The following ZNF503 variants were observed in gnomAD, a reference collection of about 807,000 sequenced individuals.
The protein encoded by ZNF503 is zinc finger protein 503.
In ZNF503, 15 loss-of-function variants were observed where a neutral mutation model predicts 34.4. The ratio of observed to expected loss-of-function variants is 0.44; its 90% CI spans 0.29 to 0.67. ZNF503 has a LOEUF of 0.67. Among genes scored for constraint, ZNF503 ranks in the 30% least tolerant of loss-of-function variants. ZNF503 has a pLI of 0.13. For missense variants in ZNF503, 1,007 were observed against 926.8 expected, an observed-to-expected ratio of 1.09 and a Z score of -1.12; for synonymous variants, 580 against 456.8, an observed-to-expected ratio of 1.27 and a Z score of -3.44.
chr10:75,347,012 A>G, the ZNF503 span, among the ~76,000 whole-genome samples: 1 of 152,140 alleles, frequency 6.6e-6, no homozygotes, highest in African/African-American at 2.4e-5. Flanking sequence ...GTCTGGGCCA[A>G]CTATTTACTT....
the ZNF503 span, among the ~76,000 whole-genome samples, chr10:75,328,592 G>A: frequency 6.6e-6 from 1 of 151,946 alleles, no homozygotes; most frequent in Non-Finnish European, 1.5e-5. Context: ...GTCTTCTGCG[G>A]TTCCATACAA....
the ZNF503 span, among the ~76,000 whole-genome samples, chr10:75,370,236 A>G: frequency 6.6e-6 from 1 of 152,182 alleles, no homozygotes; most frequent in Non-Finnish European, 1.5e-5. Context: ...TGTTAAGTTG[A>G]CTGTCTTTTA....
chr10:75,301,343 C>A, the ZNF503 span, among the ~76,000 whole-genome samples: 2 of 151,986 alleles, frequency 1.3e-5, no homozygotes, highest in African/African-American at 4.8e-5. Context: ...TGGGTTGAAG[C>A]AATTCTCATG....
At chr10:75,394,637 A>G (rs1843677238), downstream of ZNF503, among the ~76,000 whole-genome samples, 1 of 152,238 alleles carries the variant, frequency 6.6e-6, no homozygotes, top group African/African-American at 2.4e-5. Flanking sequence ...CTTAAAGACC[A>G]AGCCCACATC....
chr10:75,322,833 C>T, the ZNF503 span, among the ~76,000 whole-genome samples: 1 of 152,188 alleles, frequency 6.6e-6, no homozygotes, highest in Non-Finnish European at 1.5e-5. Context: ...GAGTGAGACC[C>T]TGTCTCAAAA....
At chr10:75,378,493 G>C in the ZNF503 span, among the ~76,000 whole-genome samples, 43 of 151,616 alleles carry the variant, frequency 2.8e-4, no homozygotes, top group Non-Finnish European at 5.7e-4. Context: ...CACCCACTCC[G>C]CACTTATCCA....
At chr10:75,303,587 T>C in the ZNF503 span, among the ~76,000 whole-genome samples, 1 of 152,258 alleles carries the variant, frequency 6.6e-6, no homozygotes, top group African/African-American at 2.4e-5. Flanking sequence ...AATTCACACT[T>C]GTGTCTGTCT....
At chr10:75,312,406 T>C in the ZNF503 span, among the ~76,000 whole-genome samples, 4 of 152,158 alleles carry the variant, frequency 2.6e-5, no homozygotes, top group East Asian at 1.9e-4. Context: ...TATGGAAATA[T>C]GGAGATTACC....
At chr10:75,289,666 A>C in the ZNF503 span, among the ~76,000 whole-genome samples, 1 of 151,878 alleles carries the variant, frequency 6.6e-6, no homozygotes, top group Non-Finnish European at 1.5e-5. Context: ...GCTCACTGCA[A>C]CCTCCGCCTC....
chr10:75,327,583 A>G, the ZNF503 span, among the ~76,000 whole-genome samples: 3 of 152,166 alleles, frequency 2.0e-5, no homozygotes, highest in African/African-American at 4.8e-5. Context: ...AATCTCTTTG[A>G]CATACTGATT....
chr10:75,362,951 C>G, the ZNF503 span, among the ~76,000 whole-genome samples: 1 of 152,148 alleles, frequency 6.6e-6, no homozygotes. Context: ...CCCACCCCAG[C>G]CTTGGCCAAG....
chr10:75,401,882 GCGC>G (rs541008614), upstream of ZNF503: 55 of 168,302 alleles, frequency 3.3e-4, no homozygotes, highest in East Asian at 5.6e-4. Flanking sequence ...GACGCGTCCC[GCGC>G]CGCCGCCGCC....
At chr10:75,298,777 A>T in the ZNF503 span, among the ~76,000 whole-genome samples, 533 of 152,256 alleles carry the variant, frequency 3.5e-3, 2 homozygotes, top group African/African-American at 0.012. Context: ...AATATAAATT[A>T]AAAAATGTTT....
chr10:75,310,759 A>G, the ZNF503 span, among the ~76,000 whole-genome samples: 1 of 152,196 alleles, frequency 6.6e-6, no homozygotes. Context: ...ATCTTCAGGT[A>G]TCATGGATTC....
the ZNF503 span, among the ~76,000 whole-genome samples, chr10:75,358,004 C>T: frequency 6.6e-6 from 1 of 152,204 alleles, no homozygotes; most frequent in Admixed American, 6.5e-5. Context: ...GTGCTCAGTG[C>T]ACCATTGGAG....
At chr10:75,320,874 AT>A in the ZNF503 span, among the ~76,000 whole-genome samples, 2 of 152,184 alleles carry the variant, frequency 1.3e-5, no homozygotes, top group Non-Finnish European at 2.9e-5. Context: ...TTTTGATAAA[AT>A]TTCGCATTCA....
At chr10:75,382,904 C>T in the ZNF503 span, 7 of 245,042 alleles carry the variant, frequency 2.9e-5, no homozygotes, top group African/African-American at 1.4e-4. Flanking sequence ...TGCCGCTGGT[C>T]CAGCTTACTT....
the ZNF503 span, among the ~76,000 whole-genome samples, chr10:75,287,205 G>A: frequency 6.6e-6 from 1 of 152,076 alleles, no homozygotes; most frequent in African/African-American, 2.4e-5. Flanking sequence ...TTATGGTGGT[G>A]ACCATCTGTT....
the ZNF503 span, among the ~76,000 whole-genome samples, chr10:75,300,767 G>A: frequency 2.1e-5 from 3 of 139,938 alleles, no homozygotes; most frequent in East Asian, 6.2e-4. Flanking sequence ...GTGCGATGGT[G>A]CGGTCTCGGT....
Sources: gnomAD v4.1 joint callset for allele counts (sites outside exome capture counted in the v4.1 genomes callset) on GRCh38, gnomAD v4.1.1 for gene constraint, MANE v1.5 for transcripts, NCBI Gene and HGNC (gene_info 2026-07-23, HGNC 2026-07-21) for gene names.